The following JARID2 variants were observed in gnomAD, a reference collection of about 807,000 sequenced individuals.
JARID2 encodes the protein protein Jumonji.
A neutral mutation model predicts 125.6 loss-of-function variants in JARID2; 21 were observed. That is an observed-to-expected ratio of 0.17 (90% CI 0.12 to 0.24). The LOEUF (loss-of-function observed/expected upper bound fraction) is 0.24, where lower values mean the gene tolerates loss of function less well. JARID2 is among the 10% of genes least tolerant of loss of function. The pLI, the probability that JARID2 is intolerant of heterozygous loss-of-function variation, is 1.00. For synonymous variants in JARID2, 736 were observed against 661.6 expected, an observed-to-expected ratio of 1.11 and a Z score of -1.73; for missense variants, 1,303 against 1,639.6, an observed-to-expected ratio of 0.79 and a Z score of 3.55.
chr6:15,461,986 G>C (rs1768473757), intron 4 of JARID2, among the ~76,000 whole-genome samples: 1 of 151,838 alleles, frequency 6.6e-6, no homozygotes, highest in Non-Finnish European at 1.5e-5. Flanking sequence ...GATTCCCTTT[G>C]TGTTTTGCTC....
At chr6:15,517,487 T>C (rs1771619958) in intron 17 of JARID2, among the ~76,000 whole-genome samples, 1 of 152,212 alleles carries the variant, frequency 6.6e-6, no homozygotes. Context: ...ATTTGAGCAA[T>C]GGGCTCTTAA....
chr6:15,413,008 G>GTT (rs1041543140), intron 3 of JARID2, among the ~76,000 whole-genome samples: 570 of 47,350 alleles, frequency 0.012, 21 homozygotes, highest in Middle Eastern at 0.017. Context: ...TTGTGTTTTT[G>GTT]TTTTTTTTTT....
At chr6:15,513,508 T>G (rs534473456) in intron 16 of JARID2, 86 bp downstream of exon 16, 145 of 1,319,644 alleles carry the variant, frequency 1.1e-4, no homozygotes, top group Non-Finnish European at 1.4e-4. Context: ...GGGAGGGCGC[T>G]CTCTGCCCAG....
intron 1 of JARID2, among the ~76,000 whole-genome samples, chr6:15,293,949 T>C (rs1253878749): frequency 3.3e-5 from 5 of 152,242 alleles, no homozygotes; most frequent in Non-Finnish European, 7.3e-5. Flanking sequence ...AGTTGATCTT[T>C]CTCTATCTCT....
intron 3 of JARID2, among the ~76,000 whole-genome samples, chr6:15,416,431 A>G (rs565989020): frequency 1.2e-4 from 18 of 152,288 alleles, no homozygotes; most frequent in Non-Finnish European, 2.5e-4. Flanking sequence ...TCCGTCTGCA[A>G]TCCCGGCACC....
chr6:15,466,434 G>A (rs1251559969), intron 4 of JARID2, among the ~76,000 whole-genome samples: 1 of 152,192 alleles, frequency 6.6e-6, no homozygotes, highest in Non-Finnish European at 1.5e-5. Flanking sequence ...TATCTGGGAG[G>A]AACTATTTAA....
chr6:15,460,083 A>G (rs1768371653), intron 4 of JARID2, among the ~76,000 whole-genome samples: 1 of 152,168 alleles, frequency 6.6e-6, no homozygotes, highest in Non-Finnish European at 1.5e-5. Context: ...AGGGGCTTTC[A>G]GTGGCCTTAA....
At chr6:15,380,670 C>G (rs1764545868) in intron 2 of JARID2, among the ~76,000 whole-genome samples, 1 of 152,160 alleles carries the variant, frequency 6.6e-6, no homozygotes, top group South Asian at 2.1e-4. Context: ...CATTGTGTAG[C>G]CAACACCCCC....
chr6:15,413,002 G>GTTT (rs745910520), intron 3 of JARID2, among the ~76,000 whole-genome samples: 1,261 of 46,428 alleles, frequency 0.027, 232 homozygotes, highest in Admixed American at 0.032. Flanking sequence ...AAGAGCTTGT[G>GTTT]TTTTTGTTTT....
rs186021211 is a variant in JARID2 at position 15,453,969 on chromosome 6, T to A, written c.493+1794T>A. Reference sequence around the variant, plus strand: ...CTATGGGAATGTCATTTCTCCCAGGTGCTCTTAGTAGACTGAGGTTGCATG... The same window carrying A: ...CTATGGGAATGTCATTTCTCCCAGGAGCTCTTAGTAGACTGAGGTTGCATG... On this transcript the variant is annotated intron_variant, in intron 4 of 17. Transcript: ENST00000341776. Among the ~76,000 whole-genome samples the A allele has an allele frequency of 3.3e-5, 5 of 152,306 alleles. No homozygotes were observed. In the East Asian group the frequency reaches 9.6e-4, roughly 29 times the overall value.
intron 1 of JARID2, among the ~76,000 whole-genome samples, chr6:15,290,350 T>C (rs1761159636): frequency 6.6e-6 from 1 of 152,238 alleles, no homozygotes; most frequent in African/African-American, 2.4e-5. Context: ...TGAACATTAG[T>C]GTTCAAGACT....
intron 2 of JARID2, among the ~76,000 whole-genome samples, chr6:15,388,770 A>G (rs1211298698): frequency 1.3e-5 from 2 of 152,092 alleles, no homozygotes; most frequent in African/African-American, 2.4e-5. Flanking sequence ...TATGCCCCGC[A>G]TGCTTTCAGA....
intron 2 of JARID2, among the ~76,000 whole-genome samples, chr6:15,399,067 TA>T (rs1306867540): frequency 2.0e-5 from 3 of 152,208 alleles, no homozygotes; most frequent in African/African-American, 7.2e-5. Context: ...GAATGTCCTT[TA>T]ATTGACTCTG....
chr6:15,296,752 T>G (rs899686339), intron 1 of JARID2, among the ~76,000 whole-genome samples: 1 of 152,262 alleles, frequency 6.6e-6, no homozygotes, highest in Non-Finnish European at 1.5e-5. Flanking sequence ...CATCGTCCTC[T>G]GAGCTCTTAC....
intron 16 of JARID2, 59 bp from the exon 17 acceptor site, chr6:15,517,102 C>T (rs1316983098): frequency 1.9e-5 from 25 of 1,321,484 alleles, no homozygotes; most frequent in Non-Finnish European, 2.7e-5. Context: ...CCTACCTTAC[C>T]CTCCCAGGGC....
At chr6:15,396,562 G>T (rs1287555893) in intron 2 of JARID2, among the ~76,000 whole-genome samples, 1 of 152,158 alleles carries the variant, frequency 6.6e-6, no homozygotes, top group African/African-American at 2.4e-5. Flanking sequence ...GCCTGAAACT[G>T]TCGCTATTAC....
intron 1 of JARID2, among the ~76,000 whole-genome samples, chr6:15,351,234 A>T (rs1468012995): frequency 6.6e-6 from 1 of 152,164 alleles, no homozygotes; most frequent in Non-Finnish European, 1.5e-5. Context: ...TACCAACAGT[A>T]ACTAATGCTC....
chr6:15,307,257 A>T (rs376272290), intron 1 of JARID2, among the ~76,000 whole-genome samples: 66 of 151,526 alleles, frequency 4.4e-4, no homozygotes, highest in African/African-American at 1.5e-3. Flanking sequence ...AGAAGAAAAC[A>T]TTTTTTCCTG....
intron 4 of JARID2, among the ~76,000 whole-genome samples, chr6:15,458,844 A>G (rs1768315895): frequency 1.3e-5 from 2 of 152,222 alleles, no homozygotes; most frequent in South Asian, 2.1e-4. Context: ...GCATGGATTG[A>G]TGTTGGAGGT....
Sources: gnomAD v4.1 joint callset for allele counts (sites outside exome capture counted in the v4.1 genomes callset) on GRCh38, gnomAD v4.1.1 for gene constraint, MANE v1.5 for transcripts, NCBI Gene and HGNC (gene_info 2026-07-23, HGNC 2026-07-21) for gene names.